The following NRCAM variants were observed in gnomAD, a reference collection of about 807,000 sequenced individuals.
NRCAM encodes NgCAM-related cell adhesion molecule.
In NRCAM, 83 loss-of-function variants were observed where a neutral mutation model predicts 156.5. The observed-to-expected ratio is 0.53, with a 90% CI of 0.44 to 0.64. NRCAM has a LOEUF of 0.64. Among genes scored for constraint, NRCAM ranks in the 30% least tolerant of loss-of-function variants. The pLI, the probability that NRCAM is intolerant of heterozygous loss-of-function variation, is 0.00. For missense variants in NRCAM, 1,417 were observed against 1,597.3 expected (o/e 0.89, Z 1.92); for synonymous variants, 538 against 563.9 (o/e 0.95, Z 0.65).
chr7:108,422,953 A>AGAAG lies in NRCAM; in HGVS notation c.-331-23364_-331-23361dup, dbSNP rs879626745. Among the ~76,000 whole-genome samples the AGAAG allele has an allele frequency of 2.8e-4, 43 of 152,174 alleles. No individual in the cohort carries two copies. In the Middle Eastern group the frequency reaches 0.014, roughly 48 times the overall value. On this transcript the variant is annotated intron_variant, in intron 1 of 32. Coordinates refer to ENST00000379028, the MANE Select transcript of NRCAM (RefSeq NM_001037132.4). The stretch of plus-strand genomic sequence containing the variant: ...CCCATCTTAGCCTCCAGGAGCCAAG[A>AGAAG]GAAGGGGCCACTGCACAGGCTGAGT...
intron 14 of NRCAM, among the ~76,000 whole-genome samples, chr7:108,196,909 A>G (rs1237013420): frequency 6.6e-6 from 1 of 152,228 alleles, no homozygotes; most frequent in East Asian, 1.9e-4. Flanking sequence ...TCATTGCAGT[A>G]TTATTCACAA....
chr7:108,453,388 AC>A (rs1454778117), intron 1 of NRCAM, among the ~76,000 whole-genome samples: 15 of 152,170 alleles, frequency 9.9e-5, no homozygotes, highest in African/African-American at 3.6e-4. Flanking sequence ...AAGCACTTAC[AC>A]CTAGCGATTA....
chr7:108,294,996 A>G (rs1419285271), intron 3 of NRCAM, among the ~76,000 whole-genome samples: 1 of 152,224 alleles, frequency 6.6e-6, no homozygotes, highest in African/African-American at 2.4e-5. Flanking sequence ...AAAGGGGCAC[A>G]GTGATGACAT....
intron 2 of NRCAM, among the ~76,000 whole-genome samples, chr7:108,381,098 T>C (rs2099698965): frequency 6.6e-6 from 1 of 152,154 alleles, no homozygotes; most frequent in African/African-American, 2.4e-5. Flanking sequence ...TTGGCACTAA[T>C]ACCCTAAGGA....
chr7:108,425,536 G>A (rs780823978), intron 1 of NRCAM, among the ~76,000 whole-genome samples: 1 of 152,146 alleles, frequency 6.6e-6, no homozygotes, highest in Admixed American at 6.5e-5. Flanking sequence ...AATCTATTAT[G>A]AGTCTGTCAA....
At chr7:108,424,815 CTA>C (rs57720809) in intron 1 of NRCAM, among the ~76,000 whole-genome samples, 49,777 of 151,898 alleles carry the variant, frequency 0.33, 8,712 homozygotes, top group East Asian at 0.5. Context: ...GACTATAGCT[CTA>C]TGAGTCCAAT....
chr7:108,155,101 T>TATATACAC (rs1270777439), intron 32 of NRCAM, among the ~76,000 whole-genome samples: 48 of 123,108 alleles, frequency 3.9e-4, no homozygotes, highest in South Asian at 1.8e-3. Context: ...TATATATATA[T>TATATACAC]ACACACACAC....
intron 20 of NRCAM, among the ~76,000 whole-genome samples, chr7:108,187,853 G>C (rs2068093971): frequency 6.6e-6 from 1 of 152,122 alleles, no homozygotes; most frequent in African/African-American, 2.4e-5. Flanking sequence ...TACTCGGGAA[G>C]CTGAGGCAGG....
chr7:108,377,433 C>T (rs2099680884), intron 2 of NRCAM, among the ~76,000 whole-genome samples: 1 of 152,080 alleles, frequency 6.6e-6, no homozygotes, highest in African/African-American at 2.4e-5. Flanking sequence ...TCAGTGAGAA[C>T]ATTAAATTTC....
Position 108,182,871 on chromosome 7 carries a change from C to T in NRCAM, c.2354G>A (p.Ser785Asn), listed in dbSNP as rs1259809981. 2 of 1,614,092 alleles carry T rather than the reference C, an allele frequency of 1.2e-6. No individual in the cohort carries two copies. The highest frequency in any genetic ancestry group is 1.7e-6 in the Non-Finnish European group (2 of 1,180,036). Residue 785 changes from serine (S) to asparagine (N), a missense_variant, in exon 23 of 33, where the codon AGC becomes AAC. Ser to Asn is a conservative substitution (Grantham distance 46, BLOSUM62 1). Around this residue, in one of 2 missense-constraint regions of NRCAM, gnomAD observed 1,238 missense variants for 1,336.4 expected, o/e 0.93. Transcript: ENST00000379028. ...SNGPGLQYKVSWRQKDGDDEW... is the reference protein window; with the variant it reads ...SNGPGLQYKVNWRQKDGDDEW... ...ATCATCACCATCTTTCTGGCGCCAGCTAACTTTGTACTGAAGGCCTGGCCC... is the reference window on the plus strand; with the variant it reads ...ATCATCACCATCTTTCTGGCGCCAGTTAACTTTGTACTGAAGGCCTGGCCC...
intron 2 of NRCAM, among the ~76,000 whole-genome samples, chr7:108,342,257 T>C (rs2099293154): frequency 6.6e-6 from 1 of 152,228 alleles, no homozygotes. Context: ...CACCTGTGGC[T>C]ACAAGGTTTC....
intron 13 of NRCAM, among the ~76,000 whole-genome samples, chr7:108,200,713 T>C (rs530231166): frequency 6.8e-6 from 1 of 147,362 alleles, no homozygotes; most frequent in Non-Finnish European, 1.5e-5. Flanking sequence ...CCAAATGCCA[T>C]CAATCAATGA....
intron 2 of NRCAM, among the ~76,000 whole-genome samples, chr7:108,388,294 T>C (rs1050256056): frequency 6.6e-6 from 1 of 152,236 alleles, no homozygotes; most frequent in African/African-American, 2.4e-5. Context: ...TTGATTTGCA[T>C]TTCCCTGATG....
intron 3 of NRCAM, among the ~76,000 whole-genome samples, chr7:108,244,435 A>G (rs1444201810): frequency 6.6e-6 from 1 of 152,126 alleles, no homozygotes; most frequent in Non-Finnish European, 1.5e-5. Context: ...GTCACTTTTT[A>G]TATTTTAAAT....
In NRCAM at chr7:108,180,209, C is replaced by A. The variant is rs75470901; in HGVS notation, c.2851+14G>T. 1.2e-6 allele frequency: 2 copies of A among 1,611,850 alleles called. No individual in the cohort carries two copies. The highest frequency in any genetic ancestry group is 1.1e-5 in the South Asian group (1 of 90,920). On this transcript the variant is annotated intron_variant, in intron 25 of 32. Transcript: ENST00000379028. ...ATATGTTCCTGAGATCTTAGAGACA[C>A]GTCCATTCCATACCTCCTTCTGGAG...
intron 14 of NRCAM, among the ~76,000 whole-genome samples, chr7:108,196,850 T>C (rs527383924): frequency 3.7e-4 from 56 of 152,314 alleles, no homozygotes; most frequent in African/African-American, 1.3e-3. Context: ...AATGGGTATA[T>C]ATCCAAAGGA....
rs915384124 is a variant in NRCAM at position 108,184,623 on chromosome 7, G to A, written c.2036-9C>T. The stretch of plus-strand genomic sequence containing the variant: ...ATATTCGATGATGAATTCTGGTCAC[G>A]ACACACACACACCAAACCCAAGACC... On this transcript the variant is annotated splice_polypyrimidine_tract_variant and intron_variant, in intron 20 of 32. Coordinates refer to ENST00000379028, the MANE Select transcript of NRCAM (RefSeq NM_001037132.4). The A allele has an allele frequency of 2.5e-6, 4 of 1,608,422 alleles. No individual in the cohort carries two copies. Among genetic ancestry groups the A allele is most frequent in the South Asian group, 2.2e-5 (2 of 90,694 alleles).
chr7:108,443,020 A>T (rs1840352916), intron 1 of NRCAM, among the ~76,000 whole-genome samples: 1 of 152,224 alleles, frequency 6.6e-6, no homozygotes, highest in Non-Finnish European at 1.5e-5. Context: ...GCACGGAAAG[A>T]ACATATTCAC....
At chr7:108,348,376 G>C (rs2099385402) in intron 2 of NRCAM, among the ~76,000 whole-genome samples, 1 of 152,172 alleles carries the variant, frequency 6.6e-6, no homozygotes, top group African/African-American at 2.4e-5. Flanking sequence ...CCTGGGGGTT[G>C]TGAGGGAGGA....
Sources: allele counts gnomAD v4.1 joint callset (sites outside exome capture counted in the v4.1 genomes callset), GRCh38; gene constraint gnomAD v4.1.1; regional missense constraint gnomAD v4.1.1; transcripts MANE v1.5; gene names NCBI Gene and HGNC (gene_info 2026-07-23, HGNC 2026-07-21).